Variants in PAQR5 observed in about 807,000 individuals in gnomAD.
PAQR5 encodes the protein membrane progestin receptor gamma.
PAQR5 carries 20 observed loss-of-function variants against 34.5 expected under a neutral mutation model. The observed-to-expected ratio is 0.58, with a 90% CI of 0.41 to 0.84. The LOEUF (loss-of-function observed/expected upper bound fraction) is 0.84. PAQR5 is among the 40% of genes least tolerant of loss of function. The pLI is 0.00. For missense variants in PAQR5, 378 were observed against 412.7 expected (o/e 0.92, Z 0.73); for synonymous variants, 131 against 155.6 (o/e 0.84, Z 1.18).
intron 1 of PAQR5, among the ~76,000 whole-genome samples, chr15:69,301,053 G>C (rs186536811): frequency 1.4e-5 from 2 of 145,492 alleles, no homozygotes; most frequent in Admixed American, 7.1e-5. Flanking sequence ...ACCCAGGCTA[G>C]AGTGCAAGGG....
intron 2 of PAQR5, among the ~76,000 whole-genome samples, chr15:69,348,570 G>T (rs74997618): frequency 6.6e-6 from 1 of 152,166 alleles, no homozygotes; most frequent in Non-Finnish European, 1.5e-5. Flanking sequence ...GGGTTTGCAT[G>T]TGTTAGTTGG....
intron 2 of PAQR5, among the ~76,000 whole-genome samples, chr15:69,352,327 A>G (rs1052923873): frequency 2.0e-4 from 31 of 152,358 alleles, no homozygotes; most frequent in African/African-American, 6.5e-4. Context: ...GCTGCGTATC[A>G]TGAACTGAAT....
At chr15:69,328,932 C>G (rs1461935064) in intron 1 of PAQR5, among the ~76,000 whole-genome samples, 2 of 152,224 alleles carry the variant, frequency 1.3e-5, no homozygotes, top group Non-Finnish European at 2.9e-5. Context: ...TTCCAGTTTC[C>G]AGGGTGGGGC....
intron 1 of PAQR5, among the ~76,000 whole-genome samples, chr15:69,304,511 A>G (rs2053672354): frequency 6.6e-6 from 1 of 152,334 alleles, no homozygotes; most frequent in Non-Finnish European, 1.5e-5. Flanking sequence ...TGCGAGAGCT[A>G]CAATCATTTT....
chr15:69,313,703 C>T (rs1227330135), intron 1 of PAQR5, among the ~76,000 whole-genome samples: 3 of 152,070 alleles, frequency 2.0e-5, no homozygotes, highest in African/African-American at 7.2e-5. Context: ...CCAGGTGTTC[C>T]CGAGAGGAGG....
In PAQR5 at chr15:69,317,178, T is replaced by C. The variant is rs550254357; in HGVS notation, c.-277+18122T>C. Among the ~76,000 whole-genome samples, 65 of 152,332 alleles carry C rather than the reference T, an allele frequency of 4.3e-4. 1 individual carries two copies. Among genetic ancestry groups the C allele is most frequent in the African/African-American group, 1.5e-3 (63 of 41,572 alleles). ...GTGGTGTTTCAAATCAAACTCATCA[T>C]CTCCATTTCACAAGGGAGGAAAGTG... On this transcript the variant is annotated intron_variant, in intron 1 of 8. Coordinates refer to ENST00000395407, the MANE Select transcript of PAQR5 (RefSeq NM_017705.4).
chr15:69,354,399 T>G (rs920756424), intron 2 of PAQR5, among the ~76,000 whole-genome samples: 1 of 152,220 alleles, frequency 6.6e-6, no homozygotes, highest in Non-Finnish European at 1.5e-5. Context: ...TAATATAAGA[T>G]TTATTGACCT....
At chr15:69,334,931 A>G (rs1357048982) in intron 1 of PAQR5, among the ~76,000 whole-genome samples, 2 of 152,172 alleles carry the variant, frequency 1.3e-5, no homozygotes, top group African/African-American at 4.8e-5. Context: ...GCTAAGATTT[A>G]AAAGAAATTG....
intron 1 of PAQR5, among the ~76,000 whole-genome samples, chr15:69,320,346 C>T (rs868504486): frequency 6.6e-6 from 1 of 152,352 alleles, no homozygotes; most frequent in Middle Eastern, 3.4e-3. Context: ...CTTCCCCTCC[C>T]CTGACCCTTG....
At chr15:69,372,197 C>T (rs1370182322) in intron 3 of PAQR5, among the ~76,000 whole-genome samples, 2 of 152,200 alleles carry the variant, frequency 1.3e-5, no homozygotes, top group South Asian at 2.1e-4. Context: ...CTTACATGTT[C>T]GGCCAGAAGA....
chr15:69,340,161 C>T (rs549117637), intron 2 of PAQR5, among the ~76,000 whole-genome samples: 3 of 152,062 alleles, frequency 2.0e-5, no homozygotes, highest in South Asian at 2.1e-4. Context: ...CCACCGTGCC[C>T]GGCCTCACAT....
rs1186256060 is a variant in PAQR5 at position 69,368,655 on chromosome 15, A to G, written c.51+8524A>G. On this transcript the variant is annotated intron_variant, in intron 3 of 8. Transcript: ENST00000395407. ...ACTCTCTCTGGACTGCATTCTGGGT[A>G]CTTTCTTTGGATCTTTCAGTTGACT... Among the ~76,000 whole-genome samples, 4 of 152,160 alleles carry G rather than the reference A, an allele frequency of 2.6e-5. No homozygotes were observed. The East Asian group carries it at 7.7e-4, about 29-fold the overall frequency.
intron 5 of PAQR5, among the ~76,000 whole-genome samples, chr15:69,386,878 T>C (rs2056126317): frequency 6.6e-6 from 1 of 151,996 alleles, no homozygotes; most frequent in Non-Finnish European, 1.5e-5. Flanking sequence ...CTGCTAGCCC[T>C]CTGTATGTCC....
At chr15:69,313,602 G>C (rs919052785) in intron 1 of PAQR5, among the ~76,000 whole-genome samples, 1 of 152,190 alleles carries the variant, frequency 6.6e-6, no homozygotes, top group Non-Finnish European at 1.5e-5. Flanking sequence ...GGAAGAGCTC[G>C]AGCAGACAGT....
intron 2 of PAQR5, among the ~76,000 whole-genome samples, chr15:69,342,918 G>A: frequency 6.6e-6 from 1 of 152,352 alleles, no homozygotes; most frequent in African/African-American, 2.4e-5. Flanking sequence ...CATGCAGGAG[G>A]CATTCAGACC....
chr15:69,307,314 C>T (rs895229063), intron 1 of PAQR5, among the ~76,000 whole-genome samples: 1 of 152,120 alleles, frequency 6.6e-6, no homozygotes, highest in African/African-American at 2.4e-5. Flanking sequence ...GCTCTCACTT[C>T]CTTTGGATGC....
chr15:69,381,680 T>C (rs2055887517), intron 4 of PAQR5, among the ~76,000 whole-genome samples: 1 of 151,964 alleles, frequency 6.6e-6, no homozygotes, highest in African/African-American at 2.4e-5. Context: ...CAACAGAGAG[T>C]AGCAGGAAGG....
At chr15:69,397,838 C>G (rs1056366585) in intron 7 of PAQR5, 3 of 488,746 alleles carry the variant, frequency 6.1e-6, no homozygotes, top group African/African-American at 5.8e-5. Flanking sequence ...CAGTAACAGT[C>G]TGATATATCT....
chr15:69,362,830 C>T (rs1292190196), intron 3 of PAQR5, among the ~76,000 whole-genome samples: 1 of 152,172 alleles, frequency 6.6e-6, no homozygotes, highest in Non-Finnish European at 1.5e-5. Flanking sequence ...ACCCCGGCTC[C>T]CTCGCCTGCT....
Sources: allele counts gnomAD v4.1 joint callset (sites outside exome capture counted in the v4.1 genomes callset), GRCh38; gene constraint gnomAD v4.1.1; transcripts MANE v1.5; gene names NCBI Gene and HGNC (gene_info 2026-07-23, HGNC 2026-07-21).